GSE1: variants seen among roughly 807,000 people sequenced by gnomAD.
GSE1 encodes the protein Gse1 coiled-coil protein, also known as genetic suppressor element 1.
In GSE1, 32 loss-of-function variants were observed where a neutral mutation model predicts 112.6. The observed-to-expected ratio is 0.28, with a 90% CI of 0.21 to 0.38. The LOEUF (loss-of-function observed/expected upper bound fraction) is 0.38. GSE1 is among the 10% of genes least tolerant of loss of function. The pLI is 1.00. For synonymous variants in GSE1, 1,115 were observed against 735.6 expected, an observed-to-expected ratio of 1.52 and a Z score of -8.35; for missense variants, 2,348 against 1,699.2, an observed-to-expected ratio of 1.38 and a Z score of -6.71.
chr16:85,201,696 C>T (rs1597788147), intron 1 of GSE1, among the ~76,000 whole-genome samples: 2 of 151,938 alleles, frequency 1.3e-5, no homozygotes, highest in East Asian at 3.9e-4. Flanking sequence ...CATGGCTGGG[C>T]CGCTGACCAC....
intron 1 of GSE1, among the ~76,000 whole-genome samples, chr16:85,203,502 C>T (rs770927687): frequency 6.6e-5 from 10 of 152,150 alleles, no homozygotes; most frequent in Non-Finnish European, 8.8e-5. Context: ...CTCGCTCTTT[C>T]GTGGGAAGCC....
intron 1 of GSE1, among the ~76,000 whole-genome samples, chr16:85,263,721 G>C (rs1235787837): frequency 6.6e-6 from 1 of 151,890 alleles, no homozygotes. Flanking sequence ...TACAGGTGTG[G>C]GACACCACAC....
chr16:85,637,169 C>G (rs554317842), intron 2 of GSE1, among the ~76,000 whole-genome samples: 1 of 152,356 alleles, frequency 6.6e-6, no homozygotes, highest in East Asian at 1.9e-4. Flanking sequence ...CATTTGCCGT[C>G]AGCTCCCACG....
At chr16:85,253,195 A>G (rs1326289617) in intron 1 of GSE1, among the ~76,000 whole-genome samples, 1 of 151,818 alleles carries the variant, frequency 6.6e-6, no homozygotes, top group Non-Finnish European at 1.5e-5. Context: ...GGAGCAGAGA[A>G]GGCGCCAAGG....
chr16:85,664,360 A>C (rs2052666200), intron 11 of GSE1, among the ~76,000 whole-genome samples: 1 of 152,212 alleles, frequency 6.6e-6, no homozygotes, highest in Admixed American at 6.5e-5. Flanking sequence ...CAAGGTGTTG[A>C]TCAGGGTGTA....
chr16:85,311,983 G>A lies in GSE1; in HGVS notation c.2284-45480G>A, dbSNP rs544797546. Among the ~76,000 whole-genome samples the A allele has an allele frequency of 2.6e-4, 39 of 152,286 alleles. No individual in the cohort carries two copies. Among genetic ancestry groups the A allele is most frequent in the African/African-American group, 8.7e-4 (36 of 41,552 alleles). On this transcript the variant is annotated intron_variant, in intron 1 of 2. Transcript: ENST00000637419. This position sits in a 1 kb window ranked among gnomAD's most constrained non-coding sequence, Gnocchi z 4.2. ...TGTCCTCATGTCTGGAGATGTGGGC[G>A]GTGTCCGTGCACACTGCTGGAGCAG...
chr16:85,228,349 G>A (rs1002322003), intron 1 of GSE1, among the ~76,000 whole-genome samples: 14 of 152,296 alleles, frequency 9.2e-5, no homozygotes, highest in Admixed American at 9.2e-4. Context: ...ACTGCTTGTG[G>A]CCAGCAGCGT....
chr16:85,271,888 C>T (rs541256040), intron 1 of GSE1, among the ~76,000 whole-genome samples: 32 of 152,302 alleles, frequency 2.1e-4, no homozygotes, highest in Middle Eastern at 3.4e-3. Flanking sequence ...GGGTAGCAGC[C>T]GGAGACCCCA....
At chr16:85,640,485 C>G (rs1362359861) in intron 2 of GSE1, among the ~76,000 whole-genome samples, 1 of 152,232 alleles carries the variant, frequency 6.6e-6, no homozygotes, top group Non-Finnish European at 1.5e-5. Context: ...CTGCTGGCTG[C>G]CTGCCTCGTC....
intron 1 of GSE1, among the ~76,000 whole-genome samples, chr16:85,558,648 G>A (rs1027928778): frequency 6.6e-6 from 1 of 152,142 alleles, no homozygotes; most frequent in Non-Finnish European, 1.5e-5. Context: ...AGGGGAGGTC[G>A]GGGCACAAGT....
chr16:85,595,235 C>G (rs899690452), intron 1 of GSE1: 1 of 152,398 alleles, frequency 6.6e-6, no homozygotes, highest in African/African-American at 2.4e-5. Flanking sequence ...GTTCTGGAAG[C>G]CCTGCCCAGG....
chr16:85,384,737 T>G (rs959508318), intron 2 of GSE1, among the ~76,000 whole-genome samples: 1 of 152,160 alleles, frequency 6.6e-6, no homozygotes, highest in African/African-American at 2.4e-5. Context: ...CTCCAGCTAA[T>G]GAAGCCCAGG....
intron 1 of GSE1, among the ~76,000 whole-genome samples, chr16:85,578,506 T>A (rs1366795429): frequency 6.6e-6 from 1 of 152,198 alleles, no homozygotes; most frequent in Non-Finnish European, 1.5e-5. Context: ...TTTCTCTGTC[T>A]TGTTCTGTGC....
intron 1 of GSE1, among the ~76,000 whole-genome samples, chr16:85,289,287 G>GT (rs2045135191): frequency 6.6e-6 from 1 of 152,102 alleles, no homozygotes; most frequent in Non-Finnish European, 1.5e-5. Flanking sequence ...CAATGCTGGG[G>GT]TTTTTTCCCA....
At chr16:85,227,001 C>T (rs529818458) in intron 1 of GSE1, among the ~76,000 whole-genome samples, 6 of 152,146 alleles carry the variant, frequency 3.9e-5, no homozygotes, top group Middle Eastern at 3.4e-3. Flanking sequence ...CAGCCACCCA[C>T]GCATCCCCTT....
chr16:85,663,335 C>T lies in GSE1; in HGVS notation c.2374-9C>T. 1 of 1,613,242 alleles carries T rather than the reference C, an allele frequency of 6.2e-7. No individual in the cohort carries two copies. The highest frequency in any genetic ancestry group is 8.5e-7 in the Non-Finnish European group (1 of 1,179,762). On this transcript the variant is annotated splice_polypyrimidine_tract_variant and intron_variant, in intron 10 of 15. Coordinates refer to ENST00000253458, the MANE Select transcript of GSE1 (RefSeq NM_014615.5). ...GCTTCAAACTCATTTGTTTTCTTTCCCAATCTAGAAGCTAGAGTTTTTGCA... is the reference window on the plus strand; with the variant it reads ...GCTTCAAACTCATTTGTTTTCTTTCTCAATCTAGAAGCTAGAGTTTTTGCA...
chr16:85,198,478 G>A (rs960440589), intron 1 of GSE1, among the ~76,000 whole-genome samples: 3 of 152,178 alleles, frequency 2.0e-5, no homozygotes, highest in Non-Finnish European at 4.4e-5. Flanking sequence ...CCTTGCGATG[G>A]GGGAGACAGG....
intron 11 of GSE1, among the ~76,000 whole-genome samples, chr16:85,664,343 G>GCAGCTTCAAGGTGTTGATCAGGGTGTA (rs2052664983): frequency 6.6e-6 from 1 of 152,222 alleles, no homozygotes; most frequent in African/African-American, 2.4e-5. Flanking sequence ...TGGACCTTGA[G>GCAGCTTCAAGGTGTTGATCAGGGTGTA]CAGCTTCAAG....
At chr16:85,570,503 A>G (rs569606200) in intron 1 of GSE1, among the ~76,000 whole-genome samples, 9 of 152,276 alleles carry the variant, frequency 5.9e-5, no homozygotes, top group African/African-American at 1.7e-4. Context: ...TTATTTGGCT[A>G]TTGAAACCCA....
Sources: gnomAD v4.1 joint callset for allele counts (sites outside exome capture counted in the v4.1 genomes callset) on GRCh38, gnomAD v4.1.1 for gene constraint, Gnocchi (gnomAD v3.1) non-coding constraint, MANE v1.5 for transcripts, NCBI Gene and HGNC (gene_info 2026-07-23, HGNC 2026-07-21) for gene names.